WDR70: variants seen among roughly 807,000 people sequenced by gnomAD.
The protein encoded by WDR70 is WD repeat domain 70.
Under a neutral mutation model 88.6 loss-of-function variants are expected in WDR70, and 53 were observed. The ratio of observed to expected loss-of-function variants is 0.60; its 90% CI spans 0.48 to 0.75. WDR70 has a LOEUF of 0.75. Ranked by LOEUF, WDR70 falls within the 30% of genes least tolerant of loss-of-function variation. WDR70 has a pLI of 0.00. For synonymous variants in WDR70, 280 were observed against 270.0 expected, an observed-to-expected ratio of 1.04 and a Z score of -0.36; for missense variants, 610 against 823.2, an observed-to-expected ratio of 0.74 and a Z score of 3.17.
intron 10 of WDR70, among the ~76,000 whole-genome samples, chr5:37,692,265 C>T (rs1746820488): frequency 6.6e-6 from 1 of 152,068 alleles, no homozygotes; most frequent in African/African-American, 2.4e-5. Flanking sequence ...CAGATGGATT[C>T]ACAGCTGAAT....
At chr5:37,639,477 G>A (rs1431893993) in intron 10 of WDR70, among the ~76,000 whole-genome samples, 2 of 152,180 alleles carry the variant, frequency 1.3e-5, no homozygotes, top group African/African-American at 4.8e-5. Context: ...ACTCTGATCT[G>A]TGAACCTTAC....
intron 8 of WDR70, among the ~76,000 whole-genome samples, chr5:37,511,542 A>T (rs1172078118): frequency 6.6e-6 from 1 of 152,076 alleles, no homozygotes; most frequent in Non-Finnish European, 1.5e-5. Flanking sequence ...GTTCCTTTTA[A>T]GGAGAGGTGA....
intron 10 of WDR70, among the ~76,000 whole-genome samples, chr5:37,665,955 A>T (rs1446679189): frequency 6.6e-6 from 1 of 152,040 alleles, no homozygotes; most frequent in Non-Finnish European, 1.5e-5. Context: ...CGTCACTTGA[A>T]CTGGCTGCCA....
chr5:37,519,040 G>T (rs1740988559), intron 9 of WDR70, among the ~76,000 whole-genome samples: 1 of 152,156 alleles, frequency 6.6e-6, no homozygotes, highest in Admixed American at 6.5e-5. Context: ...CAAGGCAGAA[G>T]AATTTTTCTT....
chr5:37,545,703 T>A (rs1413942903), intron 9 of WDR70, among the ~76,000 whole-genome samples: 1 of 152,072 alleles, frequency 6.6e-6, no homozygotes, highest in Admixed American at 6.5e-5. Context: ...TTTGTATTTT[T>A]AGTAGAGACA....
At chr5:37,660,828 T>G (rs1408642470) in intron 10 of WDR70, among the ~76,000 whole-genome samples, 1 of 152,144 alleles carries the variant, frequency 6.6e-6, no homozygotes, top group Non-Finnish European at 1.5e-5. Flanking sequence ...AGGTTCTGCA[T>G]CAGCAGATTC....
rs1581284429 is a variant in WDR70 at position 37,445,370 on chromosome 5, C to T, written c.686+1998C>T. The stretch of plus-strand genomic sequence containing the variant: ...GCTCAGTGTCCATTGATGATTTCTT[C>T]CTGAATCGGTTATGTCACCGAGAGC... On this transcript the variant is annotated intron_variant, in intron 7 of 17. Coordinates refer to ENST00000265107, the MANE Select transcript of WDR70 (RefSeq NM_018034.4). 3.4e-5 allele frequency among the ~76,000 whole-genome samples: 5 copies of T among 149,138 alleles called. No individual in the cohort carries two copies. In the East Asian group the frequency reaches 8.0e-4, roughly 24 times the overall value.
intron 10 of WDR70, among the ~76,000 whole-genome samples, chr5:37,626,514 A>T (rs1467486570): frequency 2.0e-5 from 3 of 152,144 alleles, no homozygotes; most frequent in Non-Finnish European, 4.4e-5. Context: ...TCAGCTTGTT[A>T]GTATTTTGGT....
intron 13 of WDR70, among the ~76,000 whole-genome samples, chr5:37,706,585 C>T (rs1441349139): frequency 3.9e-5 from 6 of 152,052 alleles, no homozygotes; most frequent in African/African-American, 1.4e-4. Context: ...GTGCCTTTGC[C>T]CCTCCTTCAC....
chr5:37,523,668 G>A (rs1397773849), intron 9 of WDR70, among the ~76,000 whole-genome samples: 8 of 152,096 alleles, frequency 5.3e-5, no homozygotes, highest in African/African-American at 7.2e-5. Context: ...GGCTTCAGAC[G>A]ATCAAACTTC....
In WDR70 at chr5:37,379,337, C is replaced by G; in HGVS notation, c.-31C>G. 6.2e-7 allele frequency: 1 copy of G among 1,613,340 alleles called. No individual in the cohort carries two copies. The highest frequency in any genetic ancestry group is 1.1e-5 in the South Asian group (1 of 91,048). On this transcript the variant is annotated 5_prime_UTR_variant, in exon 1 of 18. Coordinates refer to ENST00000265107, the MANE Select transcript of WDR70 (RefSeq NM_018034.4). ...TCCCCTGCAGTTGTTTGGGCTGTCC[C>G]TGTGGCTGGTTCTGGGGTGTGCGGC...
At chr5:37,423,826 T>G (rs1385729100) in intron 5 of WDR70, among the ~76,000 whole-genome samples, 1 of 144,728 alleles carries the variant, frequency 6.9e-6, no homozygotes, top group Non-Finnish European at 1.5e-5. Context: ...CCTCCCAAAG[T>G]GCTGGGATTA....
rs1474602507 is a variant in WDR70 at position 37,379,389 on chromosome 5, G to A, written c.22G>A (p.Glu8Lys). 6.2e-7 allele frequency: 1 copy of A among 1,613,654 alleles called. No individual in the cohort carries two copies. Among genetic ancestry groups the A allele is most frequent in the South Asian group, 1.1e-5 (1 of 91,064 alleles). MERSGPS[E>K]VTGSDASGPD... is the part of the protein sequence containing the mutation. ...AGCCATGGAGCGCTCTGGGCCCAGC[G>A]AAGGTGGGTTTCATGAGGCGAGTCC... Residue 8 changes from glutamate (E) to lysine (K), a missense_variant, in exon 1 of 18, where the codon GAA becomes AAA. By Grantham distance (56) the Glu-to-Lys change is moderately conservative. This residue lies in a region of WDR70 where 203 missense variants were observed against 228.1 expected (regional missense o/e 0.89). Transcript: ENST00000265107.
At chr5:37,698,948 A>G (rs1336345521) in intron 11 of WDR70, among the ~76,000 whole-genome samples, 2 of 152,188 alleles carry the variant, frequency 1.3e-5, no homozygotes, top group Non-Finnish European at 2.9e-5. Context: ...TGGTCCATCA[A>G]TTCTAACCTG....
chr5:37,598,713 G>C (rs895567695), intron 9 of WDR70, among the ~76,000 whole-genome samples: 1 of 152,178 alleles, frequency 6.6e-6, no homozygotes, highest in African/African-American at 2.4e-5. Context: ...AAAGTGCTAG[G>C]CCATTAGATA....
chr5:37,552,524 G>A (rs1742175114), intron 9 of WDR70, among the ~76,000 whole-genome samples: 1 of 152,210 alleles, frequency 6.6e-6, no homozygotes, highest in Non-Finnish European at 1.5e-5. Context: ...AGCAAGAGGA[G>A]TGAAAGCAGT....
At chr5:37,533,123 G>A (rs1364632646) in intron 9 of WDR70, among the ~76,000 whole-genome samples, 1 of 152,200 alleles carries the variant, frequency 6.6e-6, no homozygotes, top group African/African-American at 2.4e-5. Flanking sequence ...TCATCTTCAG[G>A]TCTTGCAGCC....
At chr5:37,667,277 C>T (rs1393758449) in intron 10 of WDR70, among the ~76,000 whole-genome samples, 2 of 152,224 alleles carry the variant, frequency 1.3e-5, no homozygotes, top group African/African-American at 4.8e-5. Context: ...ATTCATTTCA[C>T]TCAGCCTCAG....
chr5:37,718,351 T>A (rs1176473447), intron 13 of WDR70, among the ~76,000 whole-genome samples: 1 of 152,206 alleles, frequency 6.6e-6, no homozygotes, highest in East Asian at 1.9e-4. Context: ...TTTGGCTGGA[T>A]GTCTTGGAAT....
Sources: allele counts gnomAD v4.1 joint callset (sites outside exome capture counted in the v4.1 genomes callset), GRCh38; gene constraint gnomAD v4.1.1; regional missense constraint gnomAD v4.1.1; transcripts MANE v1.5; gene names NCBI Gene and HGNC (gene_info 2026-07-23, HGNC 2026-07-21).